Variants in CEP192 observed in about 807,000 individuals in gnomAD.
The protein encoded by CEP192 is centrosomal protein 192.
A neutral mutation model predicts 271.8 loss-of-function variants in CEP192; 151 were observed. That is an observed-to-expected ratio of 0.56 (90% CI 0.49 to 0.64). The LOEUF (loss-of-function observed/expected upper bound fraction) is 0.64, where lower values mean the gene tolerates loss of function less well. Ranked by LOEUF, CEP192 falls within the 30% of genes least tolerant of loss-of-function variation. CEP192 has a pLI of 0.00. For missense variants in CEP192, 2,910 were observed against 3,020.5 expected (o/e 0.96, Z 0.86); for synonymous variants, 995 against 1,076.5 (o/e 0.92, Z 1.48).
chr18:13,032,527 TGTGTTGCTGGTGGGA>T (rs909165024), intron 11 of CEP192, among the ~76,000 whole-genome samples: 1 of 152,208 alleles, frequency 6.6e-6, no homozygotes, highest in African/African-American at 2.4e-5. Context: ...GGAATTCTCA[TGTGTTGCTGGTGGGA>T]GTGTAAATTG....
At chr18:13,100,658 C>T (rs561684239) in intron 38 of CEP192, 146 bp downstream of exon 38, 54 of 632,466 alleles carry the variant, frequency 8.5e-5, no homozygotes, top group Admixed American at 2.6e-4. Flanking sequence ...CAATGATGGG[C>T]TGGATTTGGG....
chr18:12,991,645 C>T (rs577556492), intron 1 of CEP192, among the ~76,000 whole-genome samples: 2 of 152,374 alleles, frequency 1.3e-5, no homozygotes, highest in East Asian at 3.9e-4. Context: ...AGCTGAGCTC[C>T]GCCTGGTTGG....
rs149087819 is a variant in CEP192 at position 13,124,698 on chromosome 18, G to A, written c.7542G>A (p.Leu2514=). 9 of 1,613,900 alleles carry A rather than the reference G, an allele frequency of 5.6e-6. No homozygotes were observed. The African/African-American group carries it at 1.1e-4, about 19-fold the overall frequency. ...KPKSAGKFEA[L]LVIQTDEGKS... is the part of the protein sequence containing the mutation. ...AGTCCGCAGGCAAATTTGAAGCTTT[G>A]CTTGTCATTCAAACAGATGAAGGCA... Residue 2514 remains leucine (L), a synonymous_variant, in exon 45 of 45, where the codon TTG becomes TTA. Coordinates refer to ENST00000506447, the MANE Select transcript of CEP192 (RefSeq NM_032142.4).
chr18:13,120,014 C>T (rs1367581161), intron 44 of CEP192, among the ~76,000 whole-genome samples: 1 of 152,182 alleles, frequency 6.6e-6, no homozygotes, highest in African/African-American at 2.4e-5. Flanking sequence ...TTATTGAATA[C>T]GTTGTCATTT....
chr18:13,095,488 T>A lies in CEP192; in HGVS notation c.6255-15T>A, dbSNP rs1266442546. ...TCTTCATGTCTAACTTTTTCATTTTTAAATAATTTTTTAGCGACTTGGGAG... is the reference window on the plus strand; with the variant it reads ...TCTTCATGTCTAACTTTTTCATTTTAAAATAATTTTTTAGCGACTTGGGAG... On this transcript the variant is annotated splice_polypyrimidine_tract_variant and intron_variant, in intron 34 of 44. Coordinates refer to ENST00000506447, the MANE Select transcript of CEP192 (RefSeq NM_032142.4). 1.9e-6 allele frequency: 3 copies of A among 1,582,894 alleles called. No individual in the cohort carries two copies. In the South Asian group the frequency reaches 3.5e-5, roughly 19 times the overall value.
chr18:13,107,166 C>T (rs772303801), intron 40 of CEP192, among the ~76,000 whole-genome samples: 2 of 151,978 alleles, frequency 1.3e-5, no homozygotes, highest in Admixed American at 6.6e-5. Context: ...AGCATTTTGC[C>T]AAAGGTCATA....
chr18:13,077,752 A>G (rs2038367189), intron 30 of CEP192, among the ~76,000 whole-genome samples: 1 of 152,186 alleles, frequency 6.6e-6, no homozygotes, highest in African/African-American at 2.4e-5. Context: ...CTGCACACTA[A>G]GAGGATTATA....
At chr18:13,001,386 C>A in intron 2 of CEP192, 71 bp from the exon 3 acceptor site, 1 of 1,096,822 alleles carries the variant, frequency 9.1e-7, no homozygotes. Context: ...GTCACGCAGC[C>A]CTATGTCATG....
chr18:13,080,163 A>G (rs1353825421), intron 30 of CEP192, among the ~76,000 whole-genome samples: 8 of 152,102 alleles, frequency 5.3e-5, no homozygotes, highest in African/African-American at 1.9e-4. Context: ...GTTTTTTCCA[A>G]TTCTGTGAAG....
chr18:13,028,028 A>T (rs1247992652), intron 9 of CEP192, among the ~76,000 whole-genome samples: 2 of 152,214 alleles, frequency 1.3e-5, no homozygotes, highest in Non-Finnish European at 2.9e-5. Flanking sequence ...GGAGGCCAAA[A>T]GTCTGAAATC....
chr18:13,035,918 G>A (rs890059938), intron 11 of CEP192, among the ~76,000 whole-genome samples: 3 of 152,162 alleles, frequency 2.0e-5, no homozygotes, highest in Non-Finnish European at 4.4e-5. Flanking sequence ...GCCAAGGTGA[G>A]TGAATTGCTT....
chr18:13,020,545 C>T (rs1244054860), intron 9 of CEP192, among the ~76,000 whole-genome samples: 1 of 152,124 alleles, frequency 6.6e-6, no homozygotes, highest in East Asian at 1.9e-4. Context: ...CATCAGTATA[C>T]AAATACCTGT....
chr18:13,077,816 A>T (rs2038370616), intron 30 of CEP192, among the ~76,000 whole-genome samples: 3 of 152,204 alleles, frequency 2.0e-5, no homozygotes, highest in African/African-American at 7.2e-5. Flanking sequence ...AATTACTGAG[A>T]AGTTGAAAGG....
In CEP192 at chr18:12,993,925, G is replaced by T. The variant is rs1348744785; in HGVS notation, c.-5+2488G>T. The stretch of plus-strand genomic sequence containing the variant: ...CTCGTTTTTTCAATTTGTATTTCCA[G>T]TTCTCTGTCAGGTATTGGGAATATG... On this transcript the variant is annotated intron_variant, in intron 1 of 44. Transcript: ENST00000506447. Among the ~76,000 whole-genome samples, 3 of 152,174 alleles carry T rather than the reference G, an allele frequency of 2.0e-5. No individual in the cohort carries two copies. The East Asian group carries it at 5.8e-4, about 29-fold the overall frequency.
At chr18:13,032,092 A>G (rs1321802901) in intron 11 of CEP192, among the ~76,000 whole-genome samples, 1 of 152,034 alleles carries the variant, frequency 6.6e-6, no homozygotes, top group Middle Eastern at 3.2e-3. Flanking sequence ...AAGCGTCAGG[A>G]CTCGTTGCTT....
At chr18:13,089,113 A>AC (rs2039026028) in intron 32 of CEP192, among the ~76,000 whole-genome samples, 2 of 152,168 alleles carry the variant, frequency 1.3e-5, no homozygotes, top group Admixed American at 6.5e-5. Flanking sequence ...TTCCCCTTCA[A>AC]ATGTTTCCAT....
chr18:13,028,951 A>G (rs902318603), intron 9 of CEP192, among the ~76,000 whole-genome samples: 17 of 152,238 alleles, frequency 1.1e-4, no homozygotes, highest in African/African-American at 4.1e-4. Flanking sequence ...TAGTGTTGTA[A>G]CTTTCAGAAA....
chr18:13,046,366 G>A lies in CEP192; in HGVS notation c.2068-2493G>A, dbSNP rs552827673. On this transcript the variant is annotated intron_variant, in intron 15 of 44. Coordinates refer to ENST00000506447, the MANE Select transcript of CEP192 (RefSeq NM_032142.4). Reference sequence around the variant, plus strand: ...TACATCTCAACATAAGATTTGGAGGGGCATCCAACTATATCACAGTCTTTC... The same window carrying A: ...TACATCTCAACATAAGATTTGGAGGAGCATCCAACTATATCACAGTCTTTC... Among the ~76,000 whole-genome samples, 3 of 152,232 alleles carry A rather than the reference G, an allele frequency of 2.0e-5. No homozygotes were observed. The South Asian group carries it at 6.2e-4, about 32-fold the overall frequency.
intron 26 of CEP192, 27 bp from the exon 27 acceptor site, chr18:13,069,711 C>T (rs2037907997): frequency 6.8e-6 from 9 of 1,332,552 alleles, no homozygotes; most frequent in Non-Finnish European, 9.6e-6. Context: ...AGTCGGCATT[C>T]AATTATGATT....
Sources: allele counts gnomAD v4.1 joint callset (sites outside exome capture counted in the v4.1 genomes callset), GRCh38; gene constraint gnomAD v4.1.1; transcripts MANE v1.5; gene names NCBI Gene and HGNC (gene_info 2026-07-23, HGNC 2026-07-21).